Variants in ZNG1A observed in about 807,000 individuals in gnomAD.
ZNG1A encodes Zn regulated GTPase metalloprotein activator 1A.
the ZNG1A span, chr9:167,035 G>C: frequency 6.6e-6 from 1 of 151,754 alleles, no homozygotes; most frequent in South Asian, 2.1e-4. Flanking sequence ...GTGACACTTA[G>C]ATATACCTTG....
chr9:133,394 T>C, the ZNG1A span, among the ~76,000 whole-genome samples: 24,395 of 145,514 alleles, frequency 0.17, 2,368 homozygotes, highest in East Asian at 0.4. Flanking sequence ...CCAAGGGCAA[T>C]AGGTACATAC....
the ZNG1A span, chr9:121,580 A>G: frequency 1.2e-6 from 2 of 1,604,394 alleles, no homozygotes; most frequent in East Asian, 4.5e-5. Context: ...CTGCCTGCAA[A>G]CAAAACAAAA....
chr9:171,012 A>G, the ZNG1A span, among the ~76,000 whole-genome samples: 1 of 150,714 alleles, frequency 6.6e-6, no homozygotes, highest in Admixed American at 6.6e-5. Context: ...TTCTAATAAA[A>G]GCATACAATA....
At chr9:171,908 A>T in the ZNG1A span, 123 of 891,094 alleles carry the variant, frequency 1.4e-4, no homozygotes, top group Non-Finnish European at 1.5e-4. Flanking sequence ...CTGTTCATTC[A>T]TTCAACTGCC....
chr9:133,861 G>C, the ZNG1A span, among the ~76,000 whole-genome samples: 1 of 151,780 alleles, frequency 6.6e-6, no homozygotes, highest in African/African-American at 2.4e-5. Context: ...CCAGGCAAAA[G>C]CATTTCAAGC....
the ZNG1A span, among the ~76,000 whole-genome samples, chr9:140,511 G>A: frequency 6.6e-6 from 1 of 151,724 alleles, no homozygotes; most frequent in Non-Finnish European, 1.5e-5. Flanking sequence ...AAACCCATCT[G>A]TACATCACCA....
the ZNG1A span, chr9:167,268 A>C: frequency 4.0e-5 from 6 of 151,256 alleles, no homozygotes; most frequent in Non-Finnish European, 8.8e-5. Context: ...TCAAGCATTA[A>C]AGAAAACAGC....
the ZNG1A span, among the ~76,000 whole-genome samples, chr9:129,303 T>C: frequency 1.3e-5 from 2 of 152,038 alleles, no homozygotes; most frequent in African/African-American, 4.8e-5. Context: ...AAAAGTGCTT[T>C]CTTGCTTGAT....
the ZNG1A span, chr9:150,751 A>G: frequency 1.0e-6 from 1 of 975,630 alleles, no homozygotes; most frequent in Non-Finnish European, 1.2e-6. Flanking sequence ...TGTTAGAAAT[A>G]AAAGTTAGAA....
the ZNG1A span, among the ~76,000 whole-genome samples, chr9:135,276 A>C: frequency 4.7e-5 from 7 of 149,898 alleles, no homozygotes; most frequent in South Asian, 1.5e-3. Context: ...AAAGAGAAAA[A>C]CTAGTCTTTT....
chr9:169,151 C>T, the ZNG1A span, among the ~76,000 whole-genome samples: 5 of 152,098 alleles, frequency 3.3e-5, no homozygotes, highest in African/African-American at 7.2e-5. Flanking sequence ...CCATTAAGAA[C>T]ATTTGTGATT....
At chr9:121,556 C>T in the ZNG1A span, 10 of 1,608,462 alleles carry the variant, frequency 6.2e-6, no homozygotes, top group Non-Finnish European at 3.4e-6. Context: ...TTAAGGATAT[C>T]CTTATCTAAA....
the ZNG1A span, among the ~76,000 whole-genome samples, chr9:155,980 A>T: frequency 4.7e-3 from 714 of 150,848 alleles, 5 homozygotes; most frequent in African/African-American, 0.016. Flanking sequence ...AATAAAAAAA[A>T]AATGCAAAAA....
the ZNG1A span, among the ~76,000 whole-genome samples, chr9:143,603 A>G: frequency 7.9e-6 from 1 of 126,650 alleles, no homozygotes; most frequent in Non-Finnish European, 1.6e-5. Context: ...GAATGGGCAA[A>G]AACTGGAAGC....
chr9:127,115 C>T, the ZNG1A span, among the ~76,000 whole-genome samples: 1 of 152,006 alleles, frequency 6.6e-6, no homozygotes, highest in Admixed American at 6.6e-5. Flanking sequence ...GTCTATCTTA[C>T]AGAAAGTTCA....
the ZNG1A span, chr9:164,253 T>C: frequency 1.9e-6 from 1 of 516,540 alleles, no homozygotes; most frequent in Non-Finnish European, 3.3e-6. Flanking sequence ...CCATCTCTCT[T>C]GTTATTTCCT....
At chr9:155,903 C>G in the ZNG1A span, among the ~76,000 whole-genome samples, 1 of 147,516 alleles carries the variant, frequency 6.8e-6, no homozygotes, top group Non-Finnish European at 1.5e-5. Context: ...CTCAGGAGCT[C>G]GAGACCAGCC....
At chr9:145,082 C>A in the ZNG1A span, among the ~76,000 whole-genome samples, 2 of 145,322 alleles carry the variant, frequency 1.4e-5, no homozygotes, top group Non-Finnish European at 3.0e-5. Flanking sequence ...AATAGGAACA[C>A]TTTTACACTG....
chr9:121,355 A>G, the ZNG1A span: 6 of 747,504 alleles, frequency 8.0e-6, no homozygotes, highest in Non-Finnish European at 1.4e-5. Flanking sequence ...AACAAATACC[A>G]TTTTAAAGTA....
Sources: allele counts gnomAD v4.1 joint callset (sites outside exome capture counted in the v4.1 genomes callset), GRCh38; gene constraint gnomAD v4.1.1; transcripts MANE v1.5; gene names NCBI Gene and HGNC (gene_info 2026-07-23, HGNC 2026-07-21).